REL: variants seen among roughly 807,000 people sequenced by gnomAD.
REL encodes the protein REL proto-oncogene, NF-kB subunit.
A neutral mutation model predicts 45.9 loss-of-function variants in REL; 15 were observed. The observed-to-expected ratio is 0.33, with a 90% CI of 0.22 to 0.50. REL has a LOEUF of 0.50. Among genes scored for constraint, REL ranks in the 20% least tolerant of loss-of-function variants. The pLI, the probability that REL is intolerant of heterozygous loss-of-function variation, is 0.98. For missense variants in REL, 601 were observed against 715.2 expected, an observed-to-expected ratio of 0.84 and a Z score of 1.82; for synonymous variants, 239 against 242.1, an observed-to-expected ratio of 0.99 and a Z score of 0.12.
At position 60,926,368 on chromosome 2, in the gene REL, C is replaced by T. The variant is rs1050575028; in HGVS notation, c.*3833C>T. The T allele has an allele frequency of 3.9e-5, 9 of 232,236 alleles. No individual in the cohort carries two copies. The highest frequency in any genetic ancestry group is 5.6e-5 in the Admixed American group (1 of 17,736). 14.4% of individuals were successfully genotyped at this position (232,236 alleles called of 1,614,324 possible). The stretch of plus-strand genomic sequence containing the variant: ...CAGCCATCTCTGTCTTTAGCTCCTA[C>T]AATTTTCTTAGGATATTCTGGGAAA... On this transcript the variant is annotated 3_prime_UTR_variant, in exon 10 of 10. Transcript: ENST00000394479.
At chr2:60,889,265 A>T (rs1673146463) in intron 1 of REL, among the ~76,000 whole-genome samples, 1 of 152,002 alleles carries the variant, frequency 6.6e-6, no homozygotes, top group African/African-American at 2.4e-5. Flanking sequence ...CCACTGACAC[A>T]GTTGGGCATT....
At chr2:60,893,657 T>C (rs764855903) in intron 2 of REL, among the ~76,000 whole-genome samples, 25 of 152,240 alleles carry the variant, frequency 1.6e-4, no homozygotes, top group Middle Eastern at 3.2e-3. Flanking sequence ...AAATTCTATT[T>C]AAATTCAAAA....
chr2:60,884,997 A>G (rs1274666970), intron 1 of REL, among the ~76,000 whole-genome samples: 1 of 152,196 alleles, frequency 6.6e-6, no homozygotes, highest in Admixed American at 6.5e-5. Context: ...TGAATGTTTC[A>G]GAAATGCAAC....
At position 60,929,348 on chromosome 2, in the gene REL, G is replaced by A. The variant is rs1357857520; in HGVS notation, c.*6813G>A. On this transcript the variant is annotated 3_prime_UTR_variant, in exon 10 of 10. Coordinates refer to ENST00000394479, the MANE Select transcript of REL (RefSeq NM_001291746.2). ...ATATACCCAAAGGACTATAAATCAT[G>A]CTGCTATAAAGACACATGCACACGT... is the stretch of plus-strand genomic sequence containing the variant. 1 of 138,812 alleles carries A rather than the reference G, an allele frequency of 7.2e-6. No individual in the cohort carries two copies. The highest frequency in any genetic ancestry group is 1.9e-4 in the East Asian group (1 of 5,130). 8.6% of individuals were successfully genotyped at this position (138,812 alleles called of 1,614,324 possible).
chr2:60,916,817 CT>C lies in REL; in HGVS notation c.395-59del. ...GGCTATAATGGGCAGGGAGGAGGAC[CT>C]AGCAAGTCTTTAGGTCTATGTGACT... is the stretch of plus-strand genomic sequence containing the variant. On this transcript the variant is annotated intron_variant, in intron 4 of 9. Coordinates refer to ENST00000394479, the MANE Select transcript of REL (RefSeq NM_001291746.2). The C allele has an allele frequency of 2.4e-6, 3 of 1,242,408 alleles. No homozygotes were observed. In the South Asian group the frequency reaches 4.1e-5, roughly 17 times the overall value. The allele number at this position is 1,242,408 out of a possible 1,614,324, so 77.0% of individuals were successfully genotyped here.
intron 5 of REL, among the ~76,000 whole-genome samples, chr2:60,917,693 TGTGTGTGTGTGTGTGTGTGTGTAC>T (rs1235228654): frequency 1.3e-5 from 2 of 150,214 alleles, no homozygotes; most frequent in African/African-American, 5.0e-5. Flanking sequence ...TGTGTGTGTG[TGTGTGTGTGTGTGTGTGTGTGTAC>T]GTGTGTGTGT....
intron 4 of REL, among the ~76,000 whole-genome samples, chr2:60,914,649 G>A (rs937416344): frequency 2.0e-5 from 3 of 151,914 alleles, no homozygotes; most frequent in Admixed American, 6.6e-5. Flanking sequence ...TCCCCTTCTC[G>A]CTCAGTTCCC....
rs1235336095 is a variant in REL at position 60,926,784 on chromosome 2, A to C, written c.*4249A>C. 3 of 228,168 alleles carry C rather than the reference A, an allele frequency of 1.3e-5. No individual in the cohort carries two copies. Among genetic ancestry groups the C allele is most frequent in the Non-Finnish European group, 2.6e-5 (3 of 114,850 alleles). 14.1% of individuals were successfully genotyped at this position (228,168 alleles called of 1,614,324 possible). On this transcript the variant is annotated 3_prime_UTR_variant, in exon 10 of 10. Coordinates refer to ENST00000394479, the MANE Select transcript of REL (RefSeq NM_001291746.2). ...CCATCACACTCATACTTAATCATCAAGTCCTTTTGAGCTTGTCTCCTCTTG... is the reference window on the plus strand; with the variant it reads ...CCATCACACTCATACTTAATCATCACGTCCTTTTGAGCTTGTCTCCTCTTG...
rs1674266830 is a variant in REL, at chr2:60,926,312, C to T, written c.*3777C>T. 4.3e-6 allele frequency: 1 copy of T among 232,232 alleles called. No individual in the cohort carries two copies. Among genetic ancestry groups the T allele is most frequent in the Non-Finnish European group, 8.5e-6 (1 of 117,262 alleles). 14.4% of individuals were successfully genotyped at this position (232,232 alleles called of 1,614,324 possible). A position where few individuals can be genotyped will look rare whatever the true frequency, so the allele number is the denominator to read the frequency against. On this transcript the variant is annotated 3_prime_UTR_variant, in exon 10 of 10. Coordinates refer to ENST00000394479, the MANE Select transcript of REL (RefSeq NM_001291746.2). The stretch of plus-strand genomic sequence containing the variant: ...TGACTTCTGAAATGCCTCCAGCCTC[C>T]ATTTTCTCCCTTCCCAGTTATTCCT...
intron 4 of REL, among the ~76,000 whole-genome samples, chr2:60,909,682 C>T (rs1040624016): frequency 2.0e-5 from 3 of 152,138 alleles, no homozygotes; most frequent in Non-Finnish European, 4.4e-5. Context: ...ATGGGCGGAT[C>T]ACGAGGTCAA....
chr2:60,913,117 A>G (rs531767270), intron 4 of REL, among the ~76,000 whole-genome samples: 2 of 152,274 alleles, frequency 1.3e-5, no homozygotes, highest in South Asian at 2.1e-4. Context: ...TTTCAGTTCT[A>G]GAATTTGATT....
Position 60,922,017 on chromosome 2 carries a change from A to G in REL, c.1246A>G (p.Arg416Gly). The G allele has an allele frequency of 4.3e-6, 7 of 1,614,158 alleles. No homozygotes were observed. The highest frequency in any genetic ancestry group is 5.9e-6 in the Non-Finnish European group (7 of 1,180,030). ...SNSQGIPPFL[R>G]IPVGNDLNAS... ...TTCGCAAGGTATCCCACCATTCCTG[A>G]GAATACCTGTTGGGAATGATTTAAA... The change falls in exon 10 of 10, where the codon AGA (arginine) becomes GGA (glycine). Residue 416 changes from arginine (R) to glycine (G), a missense_variant. Transcript: ENST00000394479.
rs965838891 is a variant in REL at position 60,903,636 on chromosome 2, C to T, written c.394+2553C>T. On this transcript the variant is annotated intron_variant, in intron 4 of 9. Coordinates refer to ENST00000394479, the MANE Select transcript of REL (RefSeq NM_001291746.2). The stretch of plus-strand genomic sequence containing the variant: ...GCAACCCTCACCTCCTGGGTTCAAG[C>T]GATTCTCGTGCCTCAGCCTCTCGAG... 2.6e-5 allele frequency among the ~76,000 whole-genome samples: 4 copies of T among 152,030 alleles called. No individual in the cohort carries two copies. The South Asian group carries it at 6.2e-4, about 24-fold the overall frequency.
At chr2:60,882,903 A>G (rs759726083) in intron 1 of REL, among the ~76,000 whole-genome samples, 1 of 152,206 alleles carries the variant, frequency 6.6e-6, no homozygotes, top group Non-Finnish European at 1.5e-5. Context: ...TTTGGGGGGG[A>G]ATAAGTTTGT....
chr2:60,882,257 A>T (rs1471101147), intron 1 of REL, among the ~76,000 whole-genome samples: 1 of 152,184 alleles, frequency 6.6e-6, no homozygotes, highest in East Asian at 1.9e-4. Context: ...AATTTCATCA[A>T]ATGCAAAGAG....
chr2:60,897,514 G>T (rs1673381427), intron 3 of REL, among the ~76,000 whole-genome samples: 1 of 151,718 alleles, frequency 6.6e-6, no homozygotes, highest in Non-Finnish European at 1.5e-5. Context: ...CATCATGTTG[G>T]CCAGGCTTGT....
rs1282942738 is a variant in REL at position 60,924,981 on chromosome 2, G to A, written c.*2446G>A. On this transcript the variant is annotated 3_prime_UTR_variant, in exon 10 of 10. Coordinates refer to ENST00000394479, the MANE Select transcript of REL (RefSeq NM_001291746.2). Reference sequence around the variant, plus strand: ...GAAACCTTTCACTTTGCTTCAAAACGTAGTTATATTTTGGAGTTTTCATTT... The same window carrying A: ...GAAACCTTTCACTTTGCTTCAAAACATAGTTATATTTTGGAGTTTTCATTT... The A allele has an allele frequency of 1.5e-5, 3 of 206,278 alleles. No individual in the cohort carries two copies. The highest frequency in any genetic ancestry group is 3.0e-5 in the Non-Finnish European group (3 of 101,050). 12.8% of individuals were successfully genotyped at this position (206,278 alleles called of 1,614,324 possible).
rs1035553007 is a variant in REL at position 60,894,489 on chromosome 2, A to G, written c.246A>G (p.Lys82=). 1.1e-5 allele frequency: 17 copies of G among 1,608,586 alleles called. No homozygotes were observed. The highest frequency in any genetic ancestry group is 1.4e-5 in the Non-Finnish European group (16 of 1,177,354). ...YKPHPHDLVG[K]DCRDGYYEAE... ...CTCATCCTCATGATTTAGTTGGAAA[A>G]GACTGCAGAGACGGCTACTATGAAG... The change falls in exon 3 of 10, where the codon AAA becomes AAG. Residue 82 remains lysine (K), a synonymous_variant. Transcript: ENST00000394479.
chr2:60,916,663 T>G (rs1474689116), intron 4 of REL, among the ~76,000 whole-genome samples: 1 of 152,198 alleles, frequency 6.6e-6, no homozygotes, highest in African/African-American at 2.4e-5. Context: ...AGTTACTTCC[T>G]GAACATGGCT....
Sources: gnomAD v4.1 joint callset for allele counts (sites outside exome capture counted in the v4.1 genomes callset) on GRCh38, gnomAD v4.1.1 for gene constraint, MANE v1.5 for transcripts, NCBI Gene and HGNC (gene_info 2026-07-23, HGNC 2026-07-21) for gene names.